RNLS: variants seen among roughly 807,000 people sequenced by gnomAD.
The protein encoded by RNLS is renalase.
A neutral mutation model predicts 39.8 loss-of-function variants in RNLS; 39 were observed. The ratio of observed to expected loss-of-function variants is 0.98; its 90% CI spans 0.76 to 1.28. RNLS has a LOEUF of 1.28. Among genes scored for constraint, RNLS ranks in the 50% most tolerant of loss-of-function variants. The pLI, the probability that RNLS is intolerant of heterozygous loss-of-function variation, is 0.00. For missense variants in RNLS, 410 were observed against 413.3 expected, an observed-to-expected ratio of 0.99 and a Z score of 0.07; for synonymous variants, 147 against 150.7, an observed-to-expected ratio of 0.98 and a Z score of 0.18.
the RNLS span, among the ~76,000 whole-genome samples, chr10:88,224,806 T>C: frequency 3.3e-5 from 5 of 152,204 alleles, no homozygotes; most frequent in African/African-American, 1.2e-4. Flanking sequence ...ATTCAAATGA[T>C]AACACAAATC....
At chr10:88,429,126 G>C (rs1854990081) in intron 4 of RNLS, among the ~76,000 whole-genome samples, 1 of 151,876 alleles carries the variant, frequency 6.6e-6, no homozygotes, top group Non-Finnish European at 1.5e-5. Context: ...AAGTGAAACA[G>C]GAGAAAAACA....
chr10:88,261,611 CAAG>C, the RNLS span, among the ~76,000 whole-genome samples: 1 of 152,168 alleles, frequency 6.6e-6, no homozygotes, highest in Non-Finnish European at 1.5e-5. Flanking sequence ...CCCCTAGCTT[CAAG>C]AAGAGAACCA....
At chr10:88,486,741 G>T (rs528966404) in intron 4 of RNLS, among the ~76,000 whole-genome samples, 1 of 152,118 alleles carries the variant, frequency 6.6e-6, no homozygotes, top group Admixed American at 6.6e-5. Context: ...AGAGAAAAGG[G>T]AACACTTATA....
chr10:88,334,739 T>G (rs1847363665), intron 5 of RNLS, among the ~76,000 whole-genome samples: 1 of 152,188 alleles, frequency 6.6e-6, no homozygotes, highest in Admixed American at 6.5e-5. Flanking sequence ...AAATCATGAT[T>G]TTATTGAGTT....
chr10:88,454,879 A>G (rs1189010853), intron 4 of RNLS, among the ~76,000 whole-genome samples: 1 of 152,186 alleles, frequency 6.6e-6, no homozygotes, highest in Non-Finnish European at 1.5e-5. Flanking sequence ...GCAAGTCTGG[A>G]CATATTTCCT....
At chr10:88,545,773 T>A (rs1848275242) in intron 4 of RNLS, among the ~76,000 whole-genome samples, 1 of 152,222 alleles carries the variant, frequency 6.6e-6, no homozygotes, top group African/African-American at 2.4e-5. Flanking sequence ...TCTCAAAAGA[T>A]AATTTTTCAT....
chr10:88,285,688 C>A (rs1398886437), intron 6 of RNLS, among the ~76,000 whole-genome samples, 182 bp from the exon 7 acceptor site: 1 of 152,008 alleles, frequency 6.6e-6, no homozygotes, highest in African/African-American at 2.4e-5. Context: ...ACTAAACGCC[C>A]CTCAACCCCA....
At chr10:88,372,628 A>T (rs2133441490) in intron 4 of RNLS, among the ~76,000 whole-genome samples, 1 of 152,302 alleles carries the variant, frequency 6.6e-6, no homozygotes, top group East Asian at 1.9e-4. Flanking sequence ...ACCAAGAAAG[A>T]TTAGTTAACT....
intron 4 of RNLS, among the ~76,000 whole-genome samples, chr10:88,383,747 T>G (rs968173935): frequency 2.0e-5 from 3 of 152,300 alleles, no homozygotes; most frequent in Middle Eastern, 3.4e-3. Context: ...TTTAAGTGCT[T>G]TTTAAGTAAT....
the RNLS span, among the ~76,000 whole-genome samples, chr10:88,214,105 G>A: frequency 1.3e-5 from 2 of 152,108 alleles, no homozygotes; most frequent in African/African-American, 4.8e-5. Flanking sequence ...GGCAGTAGTT[G>A]TAGTAGTAGT....
the RNLS span, among the ~76,000 whole-genome samples, chr10:88,223,252 T>C: frequency 1.3e-5 from 2 of 152,258 alleles, no homozygotes; most frequent in Non-Finnish European, 2.9e-5. Context: ...AAAAGCAATT[T>C]TATTAGTTCA....
At chr10:88,573,133 C>A (rs1257416157) in intron 3 of RNLS, 72 bp from the exon 4 acceptor site, 2 of 1,431,714 alleles carry the variant, frequency 1.4e-6, no homozygotes, top group Non-Finnish European at 1.9e-6. Flanking sequence ...TGAGTAGTCA[C>A]AAACTGAATC....
chr10:88,547,551 G>A (rs1848382333), intron 4 of RNLS, among the ~76,000 whole-genome samples: 1 of 152,128 alleles, frequency 6.6e-6, no homozygotes, highest in Admixed American at 6.5e-5. Context: ...TTCTAGTTAT[G>A]GGTAGGATAT....
intron 5 of RNLS, among the ~76,000 whole-genome samples, chr10:88,325,751 A>G (rs1211396845): frequency 6.6e-6 from 1 of 152,212 alleles, no homozygotes; most frequent in Non-Finnish European, 1.5e-5. Context: ...TATGATTGAC[A>G]TGGTTTGGCT....
the RNLS span, among the ~76,000 whole-genome samples, chr10:88,183,932 T>C: frequency 6.6e-6 from 1 of 152,118 alleles, no homozygotes; most frequent in African/African-American, 2.4e-5. Flanking sequence ...CACTGCTCTA[T>C]GGGACAGCTG....
the RNLS span, among the ~76,000 whole-genome samples, chr10:88,224,050 AAAGGT>A: frequency 6.6e-6 from 1 of 152,098 alleles, no homozygotes. Flanking sequence ...AAAAAAAAAA[AAAGGT>A]AAGGAGAGAA....
chr10:88,521,329 C>T (rs1419643414), intron 4 of RNLS, among the ~76,000 whole-genome samples: 5 of 152,010 alleles, frequency 3.3e-5, no homozygotes, highest in Non-Finnish European at 7.4e-5. Flanking sequence ...AAGCAAGGCC[C>T]TAGAATAATT....
chr10:88,299,814 T>G (rs1173548627), intron 6 of RNLS, among the ~76,000 whole-genome samples: 1 of 152,224 alleles, frequency 6.6e-6, no homozygotes, highest in African/African-American at 2.4e-5. Context: ...TGTTGTTCAC[T>G]AGTTCTTTAA....
intron 3 of RNLS, among the ~76,000 whole-genome samples, chr10:88,575,206 A>AATATGTGTGTG (rs1850123074): frequency 3.2e-5 from 1 of 31,384 alleles, no homozygotes; most frequent in Non-Finnish European, 5.5e-5. Context: ...CTATATATAT[A>AATATGTGTGTG]TGTGTGTGTA....
Sources: allele counts gnomAD v4.1 joint callset (sites outside exome capture counted in the v4.1 genomes callset), GRCh38; gene constraint gnomAD v4.1.1; transcripts MANE v1.5; gene names NCBI Gene and HGNC (gene_info 2026-07-23, HGNC 2026-07-21).